The following RBFOX1 variants were observed in gnomAD, a reference collection of about 807,000 sequenced individuals.
The protein encoded by RBFOX1 is RNA binding fox-1 homolog 1, also known as RNA binding protein fox-1 homolog 1.
In RBFOX1, 8 loss-of-function variants were observed where a neutral mutation model predicts 57.7. The observed-to-expected ratio is 0.14, with a 90% CI of 0.08 to 0.25. The LOEUF (loss-of-function observed/expected upper bound fraction) is 0.25. RBFOX1 is among the 10% of genes least tolerant of loss of function. The pLI is 1.00. For missense variants in RBFOX1, 611 were observed against 548.5 expected (o/e 1.11, Z -1.14); for synonymous variants, 326 against 222.4 (o/e 1.47, Z -4.15).
intron 7 of RBFOX1, 48 bp from the exon 8 acceptor site, chr16:7,595,501 T>G: frequency 1.4e-6 from 2 of 1,425,560 alleles, no homozygotes; most frequent in Non-Finnish European, 1.9e-6. Flanking sequence ...GGTCGTTGAC[T>G]GAAATAATAA....
At chr16:5,655,519 T>A (rs971340302) in intron 3 of RBFOX1, among the ~76,000 whole-genome samples, 28 of 152,178 alleles carry the variant, frequency 1.8e-4, no homozygotes, top group African/African-American at 6.5e-4. Flanking sequence ...CAGCGATGAA[T>A]GGTGCTTTAA....
intron 2 of RBFOX1, among the ~76,000 whole-genome samples, chr16:6,356,537 A>C (rs1228004373): frequency 6.6e-6 from 1 of 152,218 alleles, no homozygotes; most frequent in Non-Finnish European, 1.5e-5. Flanking sequence ...AATAAACATC[A>C]GATCAATTCA....
At chr16:6,509,211 A>T (rs2096193115) in intron 2 of RBFOX1, among the ~76,000 whole-genome samples, 1 of 151,960 alleles carries the variant, frequency 6.6e-6, no homozygotes, top group African/African-American at 2.4e-5. Flanking sequence ...TTTTGGGGGG[A>T]GCTGGCCAAC....
chr16:6,034,394 G>C (rs1397996504), intron 1 of RBFOX1, among the ~76,000 whole-genome samples: 1 of 145,444 alleles, frequency 6.9e-6, no homozygotes, highest in Non-Finnish European at 1.5e-5. Context: ...AAGAGAAGTT[G>C]TTTTCTCATA....
At chr16:6,973,329 G>T (rs779688015) in intron 3 of RBFOX1, among the ~76,000 whole-genome samples, 1 of 152,132 alleles carries the variant, frequency 6.6e-6, no homozygotes, top group Non-Finnish European at 1.5e-5. Flanking sequence ...CAGCTTTGTT[G>T]TCAGACAAAA....
At chr16:6,513,821 G>A (rs1466215222) in intron 2 of RBFOX1, among the ~76,000 whole-genome samples, 1 of 152,308 alleles carries the variant, frequency 6.6e-6, no homozygotes, top group South Asian at 2.1e-4. Flanking sequence ...GAGCCAATCA[G>A]TTCAAGCGAG....
intron 1 of RBFOX1, among the ~76,000 whole-genome samples, chr16:5,258,743 C>G (rs2062652620): frequency 6.6e-6 from 1 of 152,058 alleles, no homozygotes; most frequent in African/African-American, 2.4e-5. Flanking sequence ...TGGTGAAACC[C>G]TATCTCTATT....
At chr16:5,868,662 C>A (rs144011602) in intron 4 of RBFOX1, among the ~76,000 whole-genome samples, 15 of 152,138 alleles carry the variant, frequency 9.9e-5, no homozygotes, top group African/African-American at 3.6e-4. Context: ...ATTTCAGATG[C>A]CTAGTGAGGC....
chr16:6,863,067 A>G (rs931315913), intron 3 of RBFOX1, among the ~76,000 whole-genome samples: 37 of 152,128 alleles, frequency 2.4e-4, no homozygotes, highest in African/African-American at 8.0e-4. Flanking sequence ...ACATTATTCT[A>G]TGATGTATGG....
chr16:6,632,867 A>G (rs1017445312), intron 2 of RBFOX1, among the ~76,000 whole-genome samples: 1 of 152,172 alleles, frequency 6.6e-6, no homozygotes, highest in African/African-American at 2.4e-5. Context: ...AACCTTATAC[A>G]AGGGGATGGG....
intron 3 of RBFOX1, among the ~76,000 whole-genome samples, chr16:7,041,645 C>T (rs1009246080): frequency 6.6e-6 from 1 of 152,152 alleles, no homozygotes; most frequent in African/African-American, 2.4e-5. Context: ...TACCACCCTT[C>T]TTAAAAAGAT....
At position 6,763,580 on chromosome 16, in the gene RBFOX1, T is replaced by C. The variant is rs569668304; in HGVS notation, c.-16+108930T>C. ...GGGGTTATTTCTTAATAAGCTATCATTGACCATTAATCATCAACAACCACT... is the reference window on the plus strand; with the variant it reads ...GGGGTTATTTCTTAATAAGCTATCACTGACCATTAATCATCAACAACCACT... On this transcript the variant is annotated intron_variant, in intron 3 of 15. Coordinates refer to ENST00000550418, the MANE Select transcript of RBFOX1 (RefSeq NM_018723.4). 3.2e-4 allele frequency among the ~76,000 whole-genome samples: 49 copies of C among 152,348 alleles called. 2 individuals are homozygous for C. In the South Asian group the frequency reaches 0.01, roughly 32 times the overall value.
At chr16:7,085,527 C>A (rs143395669) in intron 4 of RBFOX1, among the ~76,000 whole-genome samples, 1,630 of 152,080 alleles carry the variant, frequency 0.011, 15 homozygotes, top group Non-Finnish European at 0.016. Context: ...CCGGGTGCCT[C>A]CACAGAGATA....
intron 4 of RBFOX1, among the ~76,000 whole-genome samples, chr16:7,068,251 T>C (rs1383864866): frequency 3.3e-5 from 5 of 152,186 alleles, no homozygotes; most frequent in African/African-American, 9.7e-5. Context: ...CGGTCCAAAA[T>C]CATGCCACAC....
chr16:6,945,397 C>A (rs749201943), intron 3 of RBFOX1, among the ~76,000 whole-genome samples: 1 of 150,106 alleles, frequency 6.7e-6, no homozygotes, highest in Non-Finnish European at 1.5e-5. Context: ...TGTGCCATTT[C>A]TAGATGGCCA....
chr16:5,999,044 C>G (rs1459715118), intron 4 of RBFOX1, among the ~76,000 whole-genome samples: 1 of 152,198 alleles, frequency 6.6e-6, no homozygotes. Context: ...TAATCACAGA[C>G]TGCCTGAGAC....
intron 2 of RBFOX1, among the ~76,000 whole-genome samples, chr16:5,537,757 C>T (rs1361030306): frequency 2.0e-5 from 3 of 152,188 alleles, no homozygotes; most frequent in Admixed American, 6.5e-5. Context: ...GAAAGGTGCT[C>T]TCTGCTTCTA....
At chr16:7,055,797 G>A (rs1412428402) in intron 4 of RBFOX1, among the ~76,000 whole-genome samples, 1 of 152,146 alleles carries the variant, frequency 6.6e-6, no homozygotes, top group East Asian at 1.9e-4. Context: ...TTACCCAATG[G>A]AGTCTGCTAC....
chr16:7,515,790 C>G (rs943865070), intron 4 of RBFOX1, among the ~76,000 whole-genome samples: 2 of 152,130 alleles, frequency 1.3e-5, no homozygotes, highest in African/African-American at 4.8e-5. Context: ...TCATTTTCCT[C>G]TAGGTTGGCC....
Sources: allele counts gnomAD v4.1 joint callset (sites outside exome capture counted in the v4.1 genomes callset), GRCh38; gene constraint gnomAD v4.1.1; transcripts MANE v1.5; gene names NCBI Gene and HGNC (gene_info 2026-07-23, HGNC 2026-07-21).